The following OCIAD1 variants were observed in gnomAD, a reference collection of about 807,000 sequenced individuals.
The protein encoded by OCIAD1 is OCIA domain containing 1.
OCIAD1 carries 29 observed loss-of-function variants against 38.9 expected under a neutral mutation model. That is an observed-to-expected ratio of 0.74 (90% CI 0.55 to 1.02). OCIAD1 has a LOEUF of 1.02. Among genes scored for constraint, OCIAD1 ranks in the 50% least tolerant of loss-of-function variants. The pLI is 0.00. For synonymous variants in OCIAD1, 110 were observed against 92.0 expected (o/e 1.20, Z -1.12); for missense variants, 288 against 289.6 (o/e 0.99, Z 0.04).
chr4:48,807,742 A>T (rs543171825), intron 1 of OCIAD1, among the ~76,000 whole-genome samples: 22 of 152,300 alleles, frequency 1.4e-4, no homozygotes, highest in African/African-American at 4.1e-4. Flanking sequence ...ATTCTGCTTC[A>T]GTAGATTTGG....
At chr4:48,817,442 C>T (rs1220294694) in intron 1 of OCIAD1, among the ~76,000 whole-genome samples, 1 of 149,610 alleles carries the variant, frequency 6.7e-6, no homozygotes, top group Non-Finnish European at 1.5e-5. Context: ...GGTTTTTGCA[C>T]TCTGCAGATC....
Position 48,857,197 on chromosome 4 carries a change from CTGTT to C in OCIAD1, c.548-11_548-8del, listed in dbSNP as rs1361808814. 1 of 1,488,954 alleles carries C rather than the reference CTGTT, an allele frequency of 6.7e-7. No homozygotes were observed. Among genetic ancestry groups the C allele is most frequent in the Non-Finnish European group, 9.0e-7 (1 of 1,115,124 alleles). 92.2% of individuals were successfully genotyped at this position (1,488,954 alleles called of 1,614,324 possible). Reference sequence around the variant, plus strand: ...AAATCCTTTTATTACCATTTATTAACTGTTTGTTGTTTTAGGACCTGATCCCAAC... The same window carrying C: ...AAATCCTTTTATTACCATTTATTAACTGTTGTTTTAGGACCTGATCCCAAC... On this transcript the variant is annotated splice_polypyrimidine_tract_variant and intron_variant, in intron 7 of 8. Transcript: ENST00000264312.
At chr4:48,844,573 G>A (rs1424629548) in intron 4 of OCIAD1, among the ~76,000 whole-genome samples, 1 of 151,982 alleles carries the variant, frequency 6.6e-6, no homozygotes, top group Non-Finnish European at 1.5e-5. Flanking sequence ...CTGAGATGGC[G>A]CCACTGCACT....
At chr4:48,844,037 CT>C (rs2109559315) in intron 4 of OCIAD1, among the ~76,000 whole-genome samples, 1 of 152,194 alleles carries the variant, frequency 6.6e-6, no homozygotes, top group African/African-American at 2.4e-5. Context: ...GAAGAAAGAT[CT>C]TTGTAGGGCT....
chr4:48,829,535 C>T (rs1280154260), upstream of OCIAD1, among the ~76,000 whole-genome samples: 2 of 151,988 alleles, frequency 1.3e-5, no homozygotes, highest in Non-Finnish European at 1.5e-5. Context: ...TGTTTTAGAC[C>T]ATAACAAATA....
At chr4:48,829,924 G>A (rs536680984), upstream of OCIAD1, among the ~76,000 whole-genome samples, 64 of 152,342 alleles carry the variant, frequency 4.2e-4, no homozygotes, top group African/African-American at 1.4e-3. Flanking sequence ...GTATGGACAA[G>A]CTAAGGACTA....
rs764743647 is a variant in OCIAD1 at position 48,857,390 on chromosome 4, T to G, written c.700+25T>G. 2.9e-5 allele frequency: 43 copies of G among 1,465,074 alleles called. No homozygotes were observed. In the Admixed American group the frequency reaches 1.0e-3, roughly 34 times the overall value. 90.8% of individuals were successfully genotyped at this position (1,465,074 alleles called of 1,614,324 possible). On this transcript the variant is annotated intron_variant, in intron 8 of 8. Coordinates refer to ENST00000264312, the MANE Select transcript of OCIAD1 (RefSeq NM_017830.4). ...GGTATGATAGTTTAGTCTGAATCAC[T>G]TTACTGTTGAGGATTGGAAACTAAA...
upstream of OCIAD1, among the ~76,000 whole-genome samples, chr4:48,826,782 C>A (rs1184576612): frequency 2.0e-5 from 3 of 152,200 alleles, no homozygotes; most frequent in South Asian, 6.2e-4. Context: ...AGCTACCACT[C>A]TATCTTGCTT....
At chr4:48,818,809 G>A (rs1007538249) in intron 1 of OCIAD1, among the ~76,000 whole-genome samples, 2 of 151,928 alleles carry the variant, frequency 1.3e-5, no homozygotes, top group African/African-American at 4.8e-5. Flanking sequence ...TTGATCAAGC[G>A]GAAGAAAGGA....
At chr4:48,815,897 G>T (rs550299535) in intron 1 of OCIAD1, among the ~76,000 whole-genome samples, 1 of 151,736 alleles carries the variant, frequency 6.6e-6, no homozygotes, top group East Asian at 1.9e-4. Context: ...AGGTAATCCC[G>T]CACATACCTG....
chr4:48,853,041 G>A (rs1357471136), intron 7 of OCIAD1, among the ~76,000 whole-genome samples: 2 of 151,534 alleles, frequency 1.3e-5, no homozygotes, highest in East Asian at 1.9e-4. Flanking sequence ...CACCACGCTC[G>A]GCTAATTTTT....
At chr4:48,832,904 G>A (rs2109513523) in intron 2 of OCIAD1, 1 of 537,976 alleles carries the variant, frequency 1.9e-6, no homozygotes, top group Non-Finnish European at 3.3e-6. Flanking sequence ...TAGGTAGCCA[G>A]TCCTGACTAG....
Position 48,857,233 on chromosome 4 carries a change from G to T in OCIAD1, c.568G>T (p.Glu190Ter), listed in dbSNP as rs200887123. 2.1e-5 allele frequency: 33 copies of T among 1,553,156 alleles called. No individual in the cohort carries two copies. The highest frequency in any genetic ancestry group is 2.3e-5 in the Non-Finnish European group (27 of 1,152,120). The change falls in exon 8 of 9, where the codon GAA becomes TAA. Residue 190 changes from glutamate (E) to a stop codon, truncating the protein, a stop_gained. Transcript: ENST00000264312. LOFTEE classifies it high-confidence loss of function. The part of the protein sequence containing the change: ...IVQGPDPNLE[E>*]SPKRKNITYE... ...TTTAGGACCTGATCCCAACCTTGAA[G>T]AAAGTCCTAAAAGAAAAAATATTAC...
At chr4:48,835,769 C>T (rs1280346711) in intron 3 of OCIAD1, among the ~76,000 whole-genome samples, 3 of 152,048 alleles carry the variant, frequency 2.0e-5, no homozygotes, top group African/African-American at 7.2e-5. Context: ...GGAGGATCGC[C>T]TGAGACCAGG....
At chr4:48,832,762 G>A in intron 2 of OCIAD1, 80 bp downstream of exon 2, 1 of 1,055,118 alleles carries the variant, frequency 9.5e-7, no homozygotes, top group Non-Finnish European at 1.5e-6. Context: ...ACAGTGGCAG[G>A]TGGGCTGGCT....
At chr4:48,833,572 G>A (rs772429613) in intron 3 of OCIAD1, 91 bp downstream of exon 3, 20 of 772,430 alleles carry the variant, frequency 2.6e-5, no homozygotes, top group African/African-American at 3.5e-5. Flanking sequence ...TAATAACTCC[G>A]TATAGAACAA....
rs569217228 is a variant in OCIAD1, at chr4:48,851,838, G to A, written c.410G>A (p.Ser137Asn). 3 of 1,612,798 alleles carry A rather than the reference G, an allele frequency of 1.9e-6. No homozygotes were observed. The highest frequency in any genetic ancestry group is 2.2e-5 in the East Asian group (1 of 44,848). ...TATCAAAAGTCAAAATATGACTCAA[G>A]TGTGAGTGGTCAATCATCTTTTGTG... ...HYYQKSKYDS[S>N]VSGQSSFVTS... The change falls in exon 7 of 9, where the codon AGT (serine) becomes AAT (asparagine). Residue 137 changes from serine to asparagine, a missense_variant. By Grantham distance (46) the Ser-to-Asn change is conservative. Coordinates refer to ENST00000264312, the MANE Select transcript of OCIAD1 (RefSeq NM_017830.4).
At chr4:48,842,509 C>A (rs1487530171) in intron 3 of OCIAD1, 127 bp from the exon 4 acceptor site, 1 of 645,582 alleles carries the variant, frequency 1.5e-6, no homozygotes. Context: ...ATGGAACAGT[C>A]TTTTTTAAAG....
rs1779312168 is a variant in OCIAD1 at position 48,850,209 on chromosome 4, A to C, written c.377+127A>C. The C allele has an allele frequency of 3.2e-6, 3 of 946,386 alleles. No homozygotes were observed. In the East Asian group the frequency reaches 7.9e-5, roughly 25 times the overall value. 58.6% of individuals were successfully genotyped at this position (946,386 alleles called of 1,614,324 possible). On this transcript the variant is annotated intron_variant, in intron 6 of 8. Coordinates refer to ENST00000264312, the MANE Select transcript of OCIAD1 (RefSeq NM_017830.4). ...GATACTTGCCATTTGCTGTAGGCTA[A>C]AAGTAATTTGCTTCAAAAATTGGAG...
Sources: gnomAD v4.1 joint callset for allele counts (sites outside exome capture counted in the v4.1 genomes callset) on GRCh38, gnomAD v4.1.1 for gene constraint, MANE v1.5 for transcripts, NCBI Gene and HGNC (gene_info 2026-07-23, HGNC 2026-07-21) for gene names.